The following ATP2C2 variants were observed in gnomAD, a reference collection of about 807,000 sequenced individuals.
The protein encoded by ATP2C2 is calcium-transporting ATPase type 2C member 2.
ATP2C2 carries 171 observed loss-of-function variants against 110.8 expected under a neutral mutation model. The ratio of observed to expected loss-of-function variants is 1.54; its 90% confidence interval spans 1.36 to 1.75. The LOEUF (loss-of-function observed/expected upper bound fraction) is 1.75, where lower values mean the gene tolerates loss of function less well. Among genes scored for constraint, ATP2C2 ranks in the 40% most tolerant of loss-of-function variants. ATP2C2 has a pLI of 0.00. For synonymous variants in ATP2C2, 804 were observed against 508.4 expected (o/e 1.58, Z -7.82); for missense variants, 1,963 against 1,235.0 (o/e 1.59, Z -8.84).
At chr16:84,426,012 C>G (rs1440455524) in intron 11 of ATP2C2, 3 of 584,588 alleles carry the variant, frequency 5.1e-6, no homozygotes, top group African/African-American at 3.7e-5. Context: ...AGCAAATGAT[C>G]CAGGGTGTCC....
rs374294902 is a variant in ATP2C2, at chr16:84,453,312, C to G, written c.1930-9C>G. Reference sequence around the variant, plus strand: ...TCTGATTCTTCGTCTTCCCCGTCTCCGTGTCCAGGTGTCCGTGTTCTTCAG... The same window carrying G: ...TCTGATTCTTCGTCTTCCCCGTCTCGGTGTCCAGGTGTCCGTGTTCTTCAG... On this transcript the variant is annotated splice_polypyrimidine_tract_variant and intron_variant, in intron 19 of 26. Transcript: ENST00000262429. 1 of 1,614,132 alleles carries G rather than the reference C, an allele frequency of 6.2e-7. No individual in the cohort carries two copies. Among genetic ancestry groups the G allele is most frequent in the Non-Finnish European group, 8.5e-7 (1 of 1,180,014 alleles).
At chr16:84,379,593 G>A (rs1207274665) in intron 1 of ATP2C2, among the ~76,000 whole-genome samples, 1 of 152,200 alleles carries the variant, frequency 6.6e-6, no homozygotes, top group Non-Finnish European at 1.5e-5. Flanking sequence ...CAGAAACTCT[G>A]GGCGGGGTCC....
At chr16:84,398,685 A>T in intron 2 of ATP2C2, 76 bp downstream of exon 2, 3 of 1,162,786 alleles carry the variant, frequency 2.6e-6, no homozygotes, top group Non-Finnish European at 3.6e-6. Flanking sequence ...AAAGCCCTGA[A>T]CAGTGCTTTG....
At chr16:84,380,287 T>C (rs991712183) in intron 1 of ATP2C2, among the ~76,000 whole-genome samples, 9 of 152,224 alleles carry the variant, frequency 5.9e-5, no homozygotes, top group African/African-American at 2.2e-4. Flanking sequence ...TCACTTATTA[T>C]TGAATTCTCC....
At chr16:84,387,914 G>C (rs1413810060) in intron 1 of ATP2C2, among the ~76,000 whole-genome samples, 1 of 147,178 alleles carries the variant, frequency 6.8e-6, no homozygotes, top group Non-Finnish European at 1.5e-5. Context: ...GACATAGTGA[G>C]ATCCCATGCC....
intron 24 of ATP2C2, chr16:84,461,044 C>T (rs1276128049): frequency 3.9e-6 from 2 of 514,464 alleles, no homozygotes; most frequent in Non-Finnish European, 6.7e-6. Flanking sequence ...GTGGAGATGA[C>T]TTTGCCGAGA....
chr16:84,439,816 G>A (rs533839597), intron 13 of ATP2C2, among the ~76,000 whole-genome samples: 23 of 152,014 alleles, frequency 1.5e-4, no homozygotes, highest in Non-Finnish European at 3.1e-4. Context: ...TAAACTAACC[G>A]TGATTAGTCC....
rs781272063 is a variant in ATP2C2, at chr16:84,460,725, G to C, written c.2405G>C (p.Ser802Thr). Residue 802 changes from serine (S) to threonine (T), a missense_variant, in exon 24 of 27, where the codon AGC becomes ACC. Transcript: ENST00000262429. ...CGGAGTGTGCGGGACACCATCCTCA[G>C]CAGAGCCCTCATCCTGAAGATCCTC... Reference protein sequence around the residue: ...PPRSVRDTILSRALILKILMS... With the variant: ...PPRSVRDTILTRALILKILMS... 6.2e-6 allele frequency: 10 copies of C among 1,614,084 alleles called. No individual in the cohort carries two copies. The South Asian group carries it at 8.8e-5, about 14-fold the overall frequency.
intron 14 of ATP2C2, among the ~76,000 whole-genome samples, chr16:84,441,970 A>ATAG (rs1909302290): frequency 7.0e-6 from 1 of 143,432 alleles, no homozygotes; most frequent in South Asian, 2.4e-4. Context: ...AGTAATAATA[A>ATAG]AAAAGAAAAG....
At chr16:84,396,464 C>G (rs1222534397) in intron 1 of ATP2C2, among the ~76,000 whole-genome samples, 1 of 148,720 alleles carries the variant, frequency 6.7e-6, no homozygotes, top group East Asian at 2.0e-4. Context: ...GCAGGAGACT[C>G]GCTTGAACCC....
intron 1 of ATP2C2, 26 bp downstream of exon 1, chr16:84,368,740 G>T (rs374485500): frequency 1.6e-4 from 239 of 1,483,592 alleles, no homozygotes; most frequent in Non-Finnish European, 1.8e-4. Context: ...TCCGCGCCGG[G>T]CGTGCGACCC....
chr16:84,420,430 T>C (rs11641473), intron 7 of ATP2C2, among the ~76,000 whole-genome samples: 71,563 of 150,378 alleles, frequency 0.48, 17,648 homozygotes, highest in African/African-American at 0.6. Flanking sequence ...TTCGTAGTTT[T>C]CTTCCCGGGG....
intron 11 of ATP2C2, 27 bp from the exon 12 acceptor site, chr16:84,439,139 G>C: frequency 1.2e-6 from 2 of 1,611,658 alleles, no homozygotes; most frequent in Non-Finnish European, 1.7e-6. Flanking sequence ...ATGTGTTAGA[G>C]GGGACTCATT....
At chr16:84,389,720 C>T (rs1475091352) in intron 1 of ATP2C2, among the ~76,000 whole-genome samples, 14 of 120,182 alleles carry the variant, frequency 1.2e-4, no homozygotes, top group African/African-American at 2.6e-4. Flanking sequence ...TCACTGTTTC[C>T]TTTTTTTTTT....
At chr16:84,452,443 C>T (rs558128348) in intron 18 of ATP2C2, among the ~76,000 whole-genome samples, 2 of 151,538 alleles carry the variant, frequency 1.3e-5, no homozygotes, top group Non-Finnish European at 2.9e-5. Flanking sequence ...TTGAACCACT[C>T]TGACCCTCAG....
At chr16:84,458,495 TAAA>T (rs10534660) in intron 21 of ATP2C2, among the ~76,000 whole-genome samples, 41,913 of 141,844 alleles carry the variant, frequency 0.3, 6,169 homozygotes, top group Non-Finnish European at 0.34. Flanking sequence ...TAGAGTATAA[TAAA>T]AAAAAAAAAA....
chr16:84,409,641 C>T (rs1906094299), intron 4 of ATP2C2, among the ~76,000 whole-genome samples: 2 of 152,028 alleles, frequency 1.3e-5, no homozygotes, highest in African/African-American at 4.8e-5. Context: ...TACAGGTGCC[C>T]GCCACCACTC....
chr16:84,418,859 T>C (rs1176415929), intron 7 of ATP2C2, among the ~76,000 whole-genome samples: 3 of 152,098 alleles, frequency 2.0e-5, no homozygotes, highest in East Asian at 1.9e-4. Context: ...GGTGAAGATA[T>C]GGTCTGACCT....
intron 11 of ATP2C2, among the ~76,000 whole-genome samples, chr16:84,429,021 A>G (rs1014994440): frequency 9.2e-5 from 14 of 152,188 alleles, no homozygotes; most frequent in African/African-American, 3.4e-4. Flanking sequence ...GCGAAAGGGC[A>G]TCTTAGGCTC....
Sources: allele counts gnomAD v4.1 joint callset (sites outside exome capture counted in the v4.1 genomes callset), GRCh38; gene constraint gnomAD v4.1.1; transcripts MANE v1.5; gene names NCBI Gene and HGNC (gene_info 2026-07-23, HGNC 2026-07-21).